MAP3K13: variants seen among roughly 807,000 people sequenced by gnomAD.
The protein encoded by MAP3K13 is mitogen-activated protein kinase kinase kinase 13, also known as leucine zipper-bearing kinase.
In MAP3K13, 52 loss-of-function variants were observed where a neutral mutation model predicts 104.0. The observed-to-expected ratio is 0.50, with a 90% confidence interval of 0.40 to 0.63. The LOEUF is 0.63. Among genes scored for constraint, MAP3K13 ranks in the 20% least tolerant of loss-of-function variants. MAP3K13 has a pLI of 0.00. For synonymous variants in MAP3K13, 394 were observed against 442.2 expected, an observed-to-expected ratio of 0.89 and a Z score of 1.37; for missense variants, 914 against 1,218.5, an observed-to-expected ratio of 0.75 and a Z score of 3.72.
In MAP3K13 at chr3:185,431,953, ATC is replaced by A. The variant is rs61319752; in HGVS notation, c.475+2913_475+2914del. 7.6e-3 allele frequency among the ~76,000 whole-genome samples: 1,137 copies of A among 149,998 alleles called. 22 individuals are homozygous for A. Among genetic ancestry groups the A allele is most frequent in the African/African-American group, 0.026 (1,049 of 41,032 alleles). On this transcript the variant is annotated intron_variant, in intron 2 of 13. Transcript: ENST00000265026. ...TCAGTCCCTGGTTTTATGTATGTGT[ATC>A]TCTCTCTCTCTCTCTTTCATACATA...
At chr3:185,354,091 C>T (rs1290912173) in intron 2 of MAP3K13, among the ~76,000 whole-genome samples, 4 of 152,026 alleles carry the variant, frequency 2.6e-5, no homozygotes, top group Non-Finnish European at 4.4e-5. Context: ...TCGTAAGTAT[C>T]GGCTATCATC....
At chr3:185,464,013 G>A (rs1717266388) in intron 8 of MAP3K13, among the ~76,000 whole-genome samples, 1 of 152,214 alleles carries the variant, frequency 6.6e-6, no homozygotes. Flanking sequence ...GCCAGGTGCA[G>A]TGGCTCACAC....
At chr3:185,343,511 G>A (rs1220748022) in intron 2 of MAP3K13, among the ~76,000 whole-genome samples, 1 of 152,098 alleles carries the variant, frequency 6.6e-6, no homozygotes, top group Non-Finnish European at 1.5e-5. Flanking sequence ...GGAGTGCAGT[G>A]GTGTGATCTT....
chr3:185,333,562 C>G (rs1427889609), intron 2 of MAP3K13, among the ~76,000 whole-genome samples: 1 of 151,990 alleles, frequency 6.6e-6, no homozygotes, highest in Non-Finnish European at 1.5e-5. Flanking sequence ...AAAAATCATA[C>G]TAGAAACAAC....
At chr3:185,474,041 G>A (rs566210412) in intron 11 of MAP3K13, among the ~76,000 whole-genome samples, 55 of 152,116 alleles carry the variant, frequency 3.6e-4, no homozygotes, top group Non-Finnish European at 7.4e-4. Flanking sequence ...TGGGGATATG[G>A]GCTGCACATG....
Position 185,418,758 on chromosome 3 carries a change from C to G in MAP3K13, c.-85-9739C>G, listed in dbSNP as rs1198961534. ...CCCCCTTTTCGGAGTACACCGATAT[C>G]ATTGGGCGAGCACACGCCATGGCGG... On this transcript the variant is annotated intron_variant, in intron 1 of 13. Coordinates refer to ENST00000265026, the MANE Select transcript of MAP3K13 (RefSeq NM_004721.5). The surrounding 1 kb of genome is among the most constrained non-coding windows in gnomAD (Gnocchi z 4.5). 6 of 1,607,750 alleles carry G rather than the reference C, an allele frequency of 3.7e-6. No homozygotes were observed. In the South Asian group the frequency reaches 6.6e-5, roughly 18 times the overall value.
At chr3:185,303,531 T>G (rs1195936758) in intron 2 of MAP3K13, among the ~76,000 whole-genome samples, 1 of 152,016 alleles carries the variant, frequency 6.6e-6, no homozygotes, top group Non-Finnish European at 1.5e-5. Flanking sequence ...TTTTTTTTTT[T>G]TTATGATTCA....
intron 7 of MAP3K13, among the ~76,000 whole-genome samples, chr3:185,452,936 G>C (rs1030581565): frequency 1.3e-5 from 2 of 152,126 alleles, no homozygotes; most frequent in Non-Finnish European, 2.9e-5. Flanking sequence ...CCAGATTCTC[G>C]GGATTGAGAA....
chr3:185,407,744 C>G (rs777776307), intron 1 of MAP3K13, among the ~76,000 whole-genome samples: 9 of 152,004 alleles, frequency 5.9e-5, no homozygotes, highest in Non-Finnish European at 1.2e-4. Flanking sequence ...ACACCTGGCC[C>G]CTATTATTTG....
intron 2 of MAP3K13, among the ~76,000 whole-genome samples, chr3:185,341,707 A>T (rs1722728966): frequency 1.3e-5 from 2 of 152,224 alleles, no homozygotes; most frequent in African/African-American, 4.8e-5. Context: ...ATAAAGAAGG[A>T]GCAAGAGGCT....
chr3:185,374,991 T>A (rs923875058), intron 1 of MAP3K13, among the ~76,000 whole-genome samples: 1 of 152,182 alleles, frequency 6.6e-6, no homozygotes, highest in Non-Finnish European at 1.5e-5. Context: ...GGGTACTTTG[T>A]CACTGAAGAT....
chr3:185,288,158 T>C (rs1250283325), intron 2 of MAP3K13, among the ~76,000 whole-genome samples: 1 of 152,150 alleles, frequency 6.6e-6, no homozygotes, highest in Non-Finnish European at 1.5e-5. Flanking sequence ...TCTTGCTAAG[T>C]GAATGGATAG....
chr3:185,354,887 C>T (rs1191406192), intron 2 of MAP3K13, among the ~76,000 whole-genome samples: 1 of 151,988 alleles, frequency 6.6e-6, no homozygotes, highest in Non-Finnish European at 1.5e-5. Context: ...TGATGAAAAA[C>T]AGGTCTTTAA....
intron 2 of MAP3K13, among the ~76,000 whole-genome samples, chr3:185,331,782 G>A (rs1009639949): frequency 6.6e-6 from 1 of 152,020 alleles, no homozygotes; most frequent in African/African-American, 2.4e-5. Flanking sequence ...CCCAAACCAC[G>A]GCTATTATTT....
chr3:185,459,964 C>T lies in MAP3K13; in HGVS notation c.1279-3586C>T, dbSNP rs1357336532. Among the ~76,000 whole-genome samples, 4 of 152,202 alleles carry T rather than the reference C, an allele frequency of 2.6e-5. No homozygotes were observed. In the East Asian group the frequency reaches 7.7e-4, roughly 29 times the overall value. On this transcript the variant is annotated intron_variant, in intron 7 of 13. Coordinates refer to ENST00000265026, the MANE Select transcript of MAP3K13 (RefSeq NM_004721.5). ...GTTATTTCATTTAAGTAGAATAGTA[C>T]AATATTTGTTCGTTTGTGCCTGGCT... is the stretch of plus-strand genomic sequence containing the variant.
chr3:185,358,092 T>G (rs931358788), intron 2 of MAP3K13, among the ~76,000 whole-genome samples: 4 of 152,180 alleles, frequency 2.6e-5, no homozygotes. Flanking sequence ...TAAAAAAGAA[T>G]GTATATAATA....
intron 2 of MAP3K13, among the ~76,000 whole-genome samples, chr3:185,342,294 T>C (rs1308491310): frequency 1.3e-5 from 2 of 152,176 alleles, no homozygotes; most frequent in Non-Finnish European, 2.9e-5. Context: ...TTTGGGGCAA[T>C]CTGCATGCTG....
chr3:185,415,577 C>CTTTTTT (rs869297992), intron 1 of MAP3K13, among the ~76,000 whole-genome samples: 4 of 72,992 alleles, frequency 5.5e-5, no homozygotes, highest in Admixed American at 1.7e-4. Context: ...GGGTTAATTT[C>CTTTTTT]TTTTTTTTTT....
chr3:185,350,873 A>G (rs1723115435), intron 2 of MAP3K13, among the ~76,000 whole-genome samples: 1 of 152,186 alleles, frequency 6.6e-6, no homozygotes, highest in South Asian at 2.1e-4. Context: ...TTCTGTATAC[A>G]CTCAAAGGAA....
Sources: gnomAD v4.1 joint callset for allele counts (sites outside exome capture counted in the v4.1 genomes callset) on GRCh38, gnomAD v4.1.1 for gene constraint, Gnocchi (gnomAD v3.1) non-coding constraint, MANE v1.5 for transcripts, NCBI Gene and HGNC (gene_info 2026-07-23, HGNC 2026-07-21) for gene names.